ACTR8: variants seen among roughly 807,000 people sequenced by gnomAD.
ACTR8 encodes the protein actin-related protein 8.
ACTR8 carries 70 observed loss-of-function variants against 84.3 expected under a neutral mutation model. That is an observed-to-expected ratio of 0.83 (90% CI 0.68 to 1.01). ACTR8 has a LOEUF of 1.01. Among genes scored for constraint, ACTR8 ranks in the 50% least tolerant of loss-of-function variants. ACTR8 has a pLI of 0.00. For missense variants in ACTR8, 672 were observed against 775.4 expected (o/e 0.87, Z 1.58); for synonymous variants, 268 against 275.2 (o/e 0.97, Z 0.26).
Position 53,869,784 on chromosome 3 carries a change from G to C in ACTR8, c.1731+198C>G, listed in dbSNP as rs188767998. 1.1e-3 allele frequency among the ~76,000 whole-genome samples: 160 copies of C among 152,288 alleles called. 1 individual carries two copies. The highest frequency in any genetic ancestry group is 9.7e-3 in the Admixed American group (149 of 15,294). On this transcript the variant is annotated intron_variant, in intron 12 of 12. Coordinates refer to ENST00000335754, the MANE Select transcript of ACTR8 (RefSeq NM_022899.5). ...TGCTAGTTTGGGGAGCACGGCAGGG[G>C]AAAGCAGCAGAAATCCAGTACCTTA... is the stretch of plus-strand genomic sequence containing the variant.
rs1699861436 is a variant in ACTR8, at chr3:53,870,137, C to T, written c.1576G>A (p.Asp526Asn). 1.2e-6 allele frequency: 2 copies of T among 1,612,372 alleles called. No homozygotes were observed. Among genetic ancestry groups the T allele is most frequent in the Non-Finnish European group, 1.7e-6 (2 of 1,178,596 alleles). Residue 526 changes from aspartate (D) to asparagine (N), a missense_variant, in exon 12 of 13, where the codon GAC (aspartate) becomes AAC (asparagine). Transcript: ENST00000335754. The surrounding 1 kb of genome is among the most constrained non-coding windows in gnomAD (Gnocchi z 4.1). ...GAGCTGTACATCTTCTTTTTGGTGTCGTCAGATGCTGAAAAGACAGTTGAC... is the reference window on the plus strand; with the variant it reads ...GAGCTGTACATCTTCTTTTTGGTGTTGTCAGATGCTGAAAAGACAGTTGAC... ...LHSIDCCSSD[D>N]TKKKMYSSIL...
chr3:53,877,088 G>T, intron 5 of ACTR8, 126 bp downstream of exon 5: 1 of 903,862 alleles, frequency 1.1e-6, no homozygotes, highest in Non-Finnish European at 1.6e-6. Context: ...ATGCCACCAA[G>T]AATCCTCACC....
intron 11 of ACTR8, 42 bp downstream of exon 11, chr3:53,871,190 C>T: frequency 6.3e-7 from 1 of 1,593,224 alleles, no homozygotes; most frequent in Non-Finnish European, 8.6e-7. Flanking sequence ...TAACTGCTAT[C>T]TTGTTTCACT....
Position 53,868,488 on chromosome 3 carries a change from T to G in ACTR8, c.*231A>C. On this transcript the variant is annotated 3_prime_UTR_variant, in exon 13 of 13. Coordinates refer to ENST00000335754, the MANE Select transcript of ACTR8 (RefSeq NM_022899.5). ...GAGACCCTGAGAGAGGGCAAGAGAG[T>G]TTACAACTGAAGAGAAAGTTCCTAT... 3.7e-6 allele frequency: 2 copies of G among 541,630 alleles called. No homozygotes were observed. Among genetic ancestry groups the G allele is most frequent in the South Asian group, 2.7e-5 (1 of 37,564 alleles). The allele number at this position is 541,630 out of a possible 1,614,324, so 33.6% of individuals were successfully genotyped here.
chr3:53,865,437 A>C, downstream of ACTR8: 1 of 671,500 alleles, frequency 1.5e-6, no homozygotes, highest in Non-Finnish European at 2.3e-6. Context: ...ATTTTATACC[A>C]ATAAAATTTT....
At position 53,868,798 on chromosome 3, in the gene ACTR8, T is replaced by C; in HGVS notation, c.1796A>G (p.Gln599Arg). ...GAVLACLDTT[Q>R]ELWIYQREWQ... ...CTCTCGCTGATAAATCCACAGTTCC[T>C]GTGTTGTATCCAAACAAGCCAACAC... is the stretch of plus-strand genomic sequence containing the variant. Residue 599 changes from glutamine (Q) to arginine (R), a missense_variant, in exon 13 of 13, where the codon CAG becomes CGG. By Grantham distance (43) the Gln-to-Arg change is conservative. Coordinates refer to ENST00000335754, the MANE Select transcript of ACTR8 (RefSeq NM_022899.5). 6.2e-7 allele frequency: 1 copy of C among 1,614,252 alleles called. No individual in the cohort carries two copies. Among genetic ancestry groups the C allele is most frequent in the Middle Eastern group, 1.6e-4 (1 of 6,062 alleles).
At chr3:53,880,227 A>C in intron 1 of ACTR8, 118 bp from the exon 2 acceptor site, 1 of 1,067,966 alleles carries the variant, frequency 9.4e-7, no homozygotes. Context: ...AAAATAATTC[A>C]ATAAAGTTCT....
chr3:53,873,051 A>C lies in ACTR8; in HGVS notation c.1142T>G (p.Leu381Ter). 6.2e-7 allele frequency: 1 copy of C among 1,610,678 alleles called. No individual in the cohort carries two copies. Among genetic ancestry groups the C allele is most frequent in the Non-Finnish European group, 8.5e-7 (1 of 1,177,942 alleles). Residue 381 changes from leucine to a stop codon, truncating the protein, a stop_gained, in exon 9 of 13, where the codon TTA becomes TGA. Transcript: ENST00000335754. LOFTEE classifies it high-confidence loss of function. ...DSPALLYQFR[L>*]GDEKLQAPMA... ...AGTTACCTGCAGTTTTTCATCTCCT[A>C]ATCGAAACTGGTAAAGCAGGGCAGG...
intron 9 of ACTR8, 106 bp downstream of exon 9, chr3:53,872,926 T>C: frequency 4.4e-6 from 4 of 905,362 alleles, no homozygotes; most frequent in Non-Finnish European, 6.8e-6. Context: ...CTACAATCAG[T>C]TGACATTCTG....
Position 53,868,498 on chromosome 3 carries a change from A to C in ACTR8, c.*221T>G. 1 of 587,194 alleles carries C rather than the reference A, an allele frequency of 1.7e-6. No homozygotes were observed. 36.4% of individuals were successfully genotyped at this position (587,194 alleles called of 1,614,324 possible). ...GAGAGGGCAAGAGAGTTTACAACTGAAGAGAAAGTTCCTATTTATTCTCAA... is the reference window on the plus strand; with the variant it reads ...GAGAGGGCAAGAGAGTTTACAACTGCAGAGAAAGTTCCTATTTATTCTCAA... On this transcript the variant is annotated 3_prime_UTR_variant, in exon 13 of 13. Transcript: ENST00000335754.
chr3:53,880,332 ATT>A (rs1269195682), intron 1 of ACTR8, among the ~76,000 whole-genome samples: 1 of 152,222 alleles, frequency 6.6e-6, no homozygotes, highest in Admixed American at 6.5e-5. Context: ...CTCAACAAAT[ATT>A]TGTTTAAATA....
Position 53,871,300 on chromosome 3 carries a change from G to A in ACTR8, c.1499C>T (p.Ala500Val), listed in dbSNP as rs769465138. 1.2e-5 allele frequency: 19 copies of A among 1,614,240 alleles called. No individual in the cohort carries two copies. The East Asian group carries it at 2.5e-4, about 21-fold the overall frequency. Residue 500 changes from alanine (A) to valine (V), a missense_variant, in exon 11 of 13, where the codon GCC becomes GTC. Coordinates refer to ENST00000335754, the MANE Select transcript of ACTR8 (RefSeq NM_022899.5). ...ALTALMSRKT[A>V]ISLFEGKALG... ...GGCTTTTCCTTCAAACAGCGAGATG[G>A]CAGTCTTCCTGGACATCAGTGCAGT... is the stretch of plus-strand genomic sequence containing the variant.
downstream of ACTR8, chr3:53,865,186 T>G (rs374795284): frequency 2.1e-4 from 340 of 1,614,156 alleles, 16 homozygotes; most frequent in South Asian, 3.1e-3. Context: ...TCTCAGTGTC[T>G]GCCCCAAGTA....
At position 53,876,090 on chromosome 3, in the gene ACTR8, G is replaced by GGT; in HGVS notation, c.779-11_779-10insAC. On this transcript the variant is annotated splice_polypyrimidine_tract_variant and intron_variant, in intron 6 of 12. Transcript: ENST00000335754. ...TGATGGACCACAATCCCTGGGGGGG[G>GGT]AAAAGAAAAGGCAGAGTAGTCATTA... 5.0e-6 allele frequency: 8 copies of GGT among 1,589,112 alleles called. No homozygotes were observed. The South Asian group carries it at 6.7e-5, about 13-fold the overall frequency.
intron 5 of ACTR8, 68 bp downstream of exon 5, chr3:53,877,146 C>A: frequency 6.9e-7 from 1 of 1,445,366 alleles, no homozygotes; most frequent in Non-Finnish European, 9.3e-7. Context: ...ACAAACAACT[C>A]GGTAACGTGT....
downstream of ACTR8, among the ~76,000 whole-genome samples, chr3:53,863,071 A>G (rs1415776305): frequency 6.6e-6 from 1 of 152,174 alleles, no homozygotes; most frequent in Non-Finnish European, 1.5e-5. Context: ...ATTAGTAAAT[A>G]TATTTTCTCA....
In ACTR8 at chr3:53,868,609, C is replaced by G; in HGVS notation, c.*110G>C. The stretch of plus-strand genomic sequence containing the variant: ...CATAAAGTTCAAATTCATTTACTGT[C>G]CATGACACTTAAGCATCCAGATCAA... On this transcript the variant is annotated 3_prime_UTR_variant, in exon 13 of 13. Coordinates refer to ENST00000335754, the MANE Select transcript of ACTR8 (RefSeq NM_022899.5). 6.8e-7 allele frequency: 1 copy of G among 1,466,378 alleles called. No homozygotes were observed. The highest frequency in any genetic ancestry group is 2.3e-5 in the East Asian group (1 of 42,648). 90.8% of individuals were successfully genotyped at this position (1,466,378 alleles called of 1,614,324 possible).
downstream of ACTR8, among the ~76,000 whole-genome samples, chr3:53,863,212 A>G (rs1699630074): frequency 6.6e-6 from 1 of 152,222 alleles, no homozygotes; most frequent in African/African-American, 2.4e-5. Flanking sequence ...GTAGGCTATT[A>G]GAAGTTAAGT....
chr3:53,867,468 G>A lies in ACTR8; in HGVS notation c.*1251C>T, dbSNP rs1699809651. ...TTGTAACCTACTGAGCAGTTACAGA[G>A]GGTACTCCCATTGATACAAAATGCT... is the stretch of plus-strand genomic sequence containing the variant. On this transcript the variant is annotated 3_prime_UTR_variant, in exon 13 of 13. Transcript: ENST00000335754. The A allele has an allele frequency of 6.6e-6, 1 of 152,186 alleles. No individual in the cohort carries two copies. Among genetic ancestry groups the A allele is most frequent in the Admixed American group, 6.5e-5 (1 of 15,272 alleles). The allele number at this position is 152,186 out of a possible 1,614,324, so 9.4% of individuals were successfully genotyped here.
Sources: allele counts gnomAD v4.1 joint callset (sites outside exome capture counted in the v4.1 genomes callset), GRCh38; gene constraint gnomAD v4.1.1; non-coding constraint Gnocchi (gnomAD v3.1); transcripts MANE v1.5; gene names NCBI Gene and HGNC (gene_info 2026-07-23, HGNC 2026-07-21).